FAM81A: variants seen among roughly 807,000 people sequenced by gnomAD.
The protein encoded by FAM81A is family with sequence similarity 81 member A.
A neutral mutation model predicts 46.7 loss-of-function variants in FAM81A; 19 were observed. The observed-to-expected ratio is 0.41, with a 90% CI of 0.28 to 0.60. FAM81A has a LOEUF of 0.60. Among genes scored for constraint, FAM81A ranks in the 20% least tolerant of loss-of-function variants. The pLI is 0.34. For synonymous variants in FAM81A, 183 were observed against 152.9 expected (o/e 1.20, Z -1.45); for missense variants, 377 against 453.5 (o/e 0.83, Z 1.53).
In FAM81A at chr15:59,460,304, C is replaced by A; in HGVS notation, c.294+98C>A. 1.3e-6 allele frequency: 2 copies of A among 1,485,686 alleles called. No homozygotes were observed. The highest frequency in any genetic ancestry group is 1.9e-6 in the Non-Finnish European group (2 of 1,067,010). 92.0% of individuals were successfully genotyped at this position (1,485,686 alleles called of 1,614,324 possible). ...TCTAACTCCTACCTCCCAGGCAGTA[C>A]TGCATTTAGAACAAAGCTGTCTGTC... On this transcript the variant is annotated intron_variant, in intron 3 of 8. Transcript: ENST00000288228. This position sits in a 1 kb window ranked among gnomAD's most constrained non-coding sequence, Gnocchi z 4.4.
intron 3 of FAM81A, among the ~76,000 whole-genome samples, chr15:59,477,100 A>G (rs1217351383): frequency 6.6e-6 from 1 of 151,790 alleles, no homozygotes; most frequent in Non-Finnish European, 1.5e-5. Flanking sequence ...AGCCTGGGCA[A>G]CAGAGTGAGA....
chr15:59,419,491 A>G (rs2081161393), intron 2 of FAM81A, among the ~76,000 whole-genome samples: 1 of 152,124 alleles, frequency 6.6e-6, no homozygotes, highest in Admixed American at 6.5e-5. Flanking sequence ...CTGACCTTCT[A>G]CAGTACTTGA....
chr15:59,513,510 G>C (rs1410728304), intron 6 of FAM81A, among the ~76,000 whole-genome samples: 2 of 152,196 alleles, frequency 1.3e-5, no homozygotes, highest in African/African-American at 2.4e-5. Context: ...AGCACAATCA[G>C]ATGGTTTATC....
rs543121683 is a variant in FAM81A at position 59,501,701 on chromosome 15, C to T, written c.414-5512C>T. 3.9e-5 allele frequency among the ~76,000 whole-genome samples: 6 copies of T among 152,290 alleles called. No individual in the cohort carries two copies. The East Asian group carries it at 9.6e-4, about 24-fold the overall frequency. ...AGGTAAGCCTAGCAATAGAGTCACT[C>T]TGCCACCTGATGGCCACAACCTGGA... On this transcript the variant is annotated intron_variant, in intron 4 of 8. Coordinates refer to ENST00000288228, the MANE Select transcript of FAM81A (RefSeq NM_152450.3).
chr15:59,418,795 C>T (rs987946761), intron 2 of FAM81A, among the ~76,000 whole-genome samples: 1 of 102,002 alleles, frequency 9.8e-6, no homozygotes. Flanking sequence ...ATTATCTGAG[C>T]CCCAGTTTCC....
chr15:59,404,894 G>T (rs1364904496), intron 2 of FAM81A, among the ~76,000 whole-genome samples: 3 of 152,196 alleles, frequency 2.0e-5, no homozygotes, highest in Non-Finnish European at 2.9e-5. Context: ...GTAGGTCTGG[G>T]CCCTAACCAT....
chr15:59,406,168 A>G (rs2081094074), intron 2 of FAM81A, among the ~76,000 whole-genome samples: 1 of 152,190 alleles, frequency 6.6e-6, no homozygotes, highest in South Asian at 2.1e-4. Context: ...TTCTCATTGA[A>G]AAATTCAGAA....
intron 4 of FAM81A, among the ~76,000 whole-genome samples, chr15:59,494,097 A>G (rs1042701095): frequency 2.6e-5 from 4 of 152,156 alleles, no homozygotes; most frequent in Non-Finnish European, 5.9e-5. Context: ...AAGTGCCTGG[A>G]ACGGTCTCTG....
chr15:59,411,995 CAA>C (rs397736383), intron 2 of FAM81A, among the ~76,000 whole-genome samples: 1 of 121,196 alleles, frequency 8.3e-6, no homozygotes, highest in African/African-American at 3.0e-5. Flanking sequence ...AAGAAACAAA[CAA>C]AAAAAAAAAA....
intron 1 of FAM81A, among the ~76,000 whole-genome samples, chr15:59,449,115 G>C (rs1230133629): frequency 2.6e-5 from 4 of 152,166 alleles, no homozygotes; most frequent in African/African-American, 9.7e-5. Context: ...TTTAAGAGTA[G>C]AGATTTCATG....
intron 3 of FAM81A, among the ~76,000 whole-genome samples, chr15:59,480,415 A>G (rs186071368): frequency 1.5e-3 from 224 of 152,292 alleles, no homozygotes; most frequent in Non-Finnish European, 2.6e-3. Context: ...TCACCTTTGC[A>G]TAAACTGCAT....
chr15:59,427,447 A>T (rs1188662072), intron 2 of FAM81A, among the ~76,000 whole-genome samples: 1 of 152,068 alleles, frequency 6.6e-6, no homozygotes, highest in African/African-American at 2.4e-5. Context: ...TTAAATGATT[A>T]TTGACCTATT....
In FAM81A at chr15:59,514,371, A is replaced by G. The variant is rs747983642; in HGVS notation, c.733A>G (p.Lys245Glu). 1 of 1,613,892 alleles carries G rather than the reference A, an allele frequency of 6.2e-7. No individual in the cohort carries two copies. Among genetic ancestry groups the G allele is most frequent in the Non-Finnish European group, 8.5e-7 (1 of 1,179,828 alleles). The part of the protein sequence containing the change: ...WLQQEQERIE[K>E]ELLQKIDQLS... ...GCAACAGGAACAAGAACGGATAGAA[A>G]AAGAGCTTTTACAGAAAATTGATCA... is the stretch of plus-strand genomic sequence containing the variant. Residue 245 changes from lysine (K) to glutamate (E), a missense_variant, in exon 7 of 9, where the codon AAA becomes GAA. Lys to Glu is a moderately conservative substitution (Grantham distance 56, BLOSUM62 1). Coordinates refer to ENST00000288228, the MANE Select transcript of FAM81A (RefSeq NM_152450.3).
intron 1 of FAM81A, among the ~76,000 whole-genome samples, chr15:59,398,590 CT>C (rs1166184269): frequency 6.9e-6 from 1 of 145,620 alleles, no homozygotes; most frequent in Non-Finnish European, 1.5e-5. Flanking sequence ...GAAACCCAGT[CT>C]CTATCAAAAA....
intron 1 of FAM81A, chr15:59,444,179 T>A (rs1420507723): frequency 6.6e-6 from 1 of 152,238 alleles, no homozygotes; most frequent in Non-Finnish European, 1.5e-5. Context: ...AGAGGCTCAA[T>A]GAATATTTGT....
chr15:59,417,587 C>T lies in FAM81A; in HGVS notation c.-78+15229C>T, dbSNP rs557084946. On this transcript the variant is annotated intron_variant, in intron 2 of 4. Transcript: ENST00000558348. ...AAAATTAGCCAGGCATAATGGTGCACGCCTGTAATCCCAGCTACTCAGGAA... is the reference window on the plus strand; with the variant it reads ...AAAATTAGCCAGGCATAATGGTGCATGCCTGTAATCCCAGCTACTCAGGAA... 4.6e-5 allele frequency among the ~76,000 whole-genome samples: 7 copies of T among 151,766 alleles called. No homozygotes were observed. The South Asian group carries it at 6.3e-4, about 14-fold the overall frequency.
At chr15:59,429,785 T>C (rs2081211566) in intron 2 of FAM81A, among the ~76,000 whole-genome samples, 1 of 152,252 alleles carries the variant, frequency 6.6e-6, no homozygotes, top group Admixed American at 6.5e-5. Flanking sequence ...AATTAGACCT[T>C]TATTTTTCTC....
In FAM81A at chr15:59,407,409, C is replaced by T. The variant is rs1485126885; in HGVS notation, c.-78+5051C>T. Among the ~76,000 whole-genome samples the T allele has an allele frequency of 3.3e-5, 5 of 151,204 alleles. No homozygotes were observed. The Admixed American group carries it at 3.3e-4, about 10-fold the overall frequency. On this transcript the variant is annotated intron_variant, in intron 2 of 4. Coordinates refer to the FAM81A transcript ENST00000558348. ...TCCTGGGTTCACGCTATTCTCCTGC[C>T]TCAGCCTCCCCAGTATCTGGGACTA...
chr15:59,468,223 A>T (rs2081639856), intron 3 of FAM81A, among the ~76,000 whole-genome samples: 2 of 152,160 alleles, frequency 1.3e-5, no homozygotes. Flanking sequence ...CTGGCCTCAT[A>T]AAGTGAGTTA....
Sources: allele counts gnomAD v4.1 joint callset (sites outside exome capture counted in the v4.1 genomes callset), GRCh38; gene constraint gnomAD v4.1.1; non-coding constraint Gnocchi (gnomAD v3.1); transcripts MANE v1.5; gene names NCBI Gene and HGNC (gene_info 2026-07-23, HGNC 2026-07-21).